FBN2: variants seen among roughly 807,000 people sequenced by gnomAD.
FBN2 encodes fibrillin-2.
In FBN2, 105 loss-of-function variants were observed where a neutral mutation model predicts 355.6. The observed-to-expected ratio is 0.30, with a 90% CI of 0.25 to 0.35. The LOEUF (loss-of-function observed/expected upper bound fraction) is 0.35, where lower values mean the gene tolerates loss of function less well. Among genes scored for constraint, FBN2 ranks in the 10% least tolerant of loss-of-function variants. FBN2 has a pLI of 1.00. For synonymous variants in FBN2, 1,350 were observed against 1,301.2 expected (o/e 1.04, Z -0.81); for missense variants, 3,280 against 3,758.7 (o/e 0.87, Z 3.33).
chr5:128,321,868 A>T (rs956903673), intron 34 of FBN2, among the ~76,000 whole-genome samples: 6 of 152,166 alleles, frequency 3.9e-5, no homozygotes, highest in Admixed American at 3.9e-4. Context: ...GAATCGCCAC[A>T]CTGTCCTCCA....
chr5:128,429,716 TTTAC>T (rs1434293293), intron 7 of FBN2, among the ~76,000 whole-genome samples: 2 of 152,226 alleles, frequency 1.3e-5, no homozygotes, highest in African/African-American at 4.8e-5. Flanking sequence ...CCTGTTTTGC[TTTAC>T]TTGTTAATTA....
chr5:128,413,406 T>A (rs1245770789), intron 7 of FBN2, among the ~76,000 whole-genome samples: 1 of 152,066 alleles, frequency 6.6e-6, no homozygotes, highest in Non-Finnish European at 1.5e-5. Context: ...GGAAGAACAC[T>A]GTGAAAACAG....
intron 5 of FBN2, among the ~76,000 whole-genome samples, chr5:128,506,936 A>G (rs1193296777): frequency 1.3e-5 from 2 of 152,092 alleles, no homozygotes; most frequent in African/African-American, 2.4e-5. Flanking sequence ...ATAAATCTCA[A>G]TTGGCTATGA....
chr5:128,532,351 C>T (rs570328445), intron 2 of FBN2, among the ~76,000 whole-genome samples: 2 of 152,324 alleles, frequency 1.3e-5, no homozygotes, highest in Non-Finnish European at 2.9e-5. Flanking sequence ...GTCATCACAG[C>T]AAAGAATGTT....
chr5:128,515,308 C>T (rs961699468), intron 5 of FBN2, among the ~76,000 whole-genome samples: 4 of 152,186 alleles, frequency 2.6e-5, no homozygotes, highest in Non-Finnish European at 4.4e-5. Flanking sequence ...AGCATGCACA[C>T]CTGAGTGGCA....
intron 5 of FBN2, among the ~76,000 whole-genome samples, chr5:128,491,280 T>C (rs1311802821): frequency 4.6e-5 from 7 of 152,182 alleles, no homozygotes; most frequent in African/African-American, 1.4e-4. Context: ...CTTTCAAAAG[T>C]ATAATTAGGA....
intron 7 of FBN2, among the ~76,000 whole-genome samples, chr5:128,439,451 TCA>T (rs1175587251): frequency 6.6e-6 from 1 of 152,166 alleles, no homozygotes; most frequent in Non-Finnish European, 1.5e-5. Context: ...AAATAGTGTC[TCA>T]CAGTTTTATA....
intron 8 of FBN2, among the ~76,000 whole-genome samples, chr5:128,403,175 C>T (rs556928398): frequency 1.8e-4 from 27 of 152,046 alleles, no homozygotes; most frequent in African/African-American, 5.3e-4. Flanking sequence ...TGTACCTTGC[C>T]CTTTTCTTGA....
intron 15 of FBN2, among the ~76,000 whole-genome samples, chr5:128,373,724 A>G (rs777848134): frequency 2.1e-4 from 32 of 152,158 alleles, no homozygotes; most frequent in Non-Finnish European, 4.4e-4. Flanking sequence ...TCACTGGAAT[A>G]TATTGCTGGG....
At chr5:128,317,682 G>GCCT (rs1004322412) in intron 36 of FBN2, among the ~76,000 whole-genome samples, 2 of 151,954 alleles carry the variant, frequency 1.3e-5, no homozygotes, top group African/African-American at 4.8e-5. Context: ...CTTCATTACG[G>GCCT]CCTCCTCCTC....
At chr5:128,447,670 A>G (rs538215489) in intron 6 of FBN2, among the ~76,000 whole-genome samples, 98 of 152,314 alleles carry the variant, frequency 6.4e-4, no homozygotes, top group Admixed American at 2.8e-3. Context: ...CTTGTGAAGC[A>G]TGTGATCTCT....
rs78932429 is a variant in FBN2 at position 128,344,200 on chromosome 5, A to G, written c.3343+185T>C. On this transcript the variant is annotated intron_variant, in intron 25 of 64. Coordinates refer to ENST00000262464, the MANE Select transcript of FBN2 (RefSeq NM_001999.4). ...CAGAAGTTTGAAGTTACAGTGAGCC[A>G]TGATCATGTCTCTGCACTCCAGCCT... is the stretch of plus-strand genomic sequence containing the variant. Among the ~76,000 whole-genome samples the G allele has an allele frequency of 0.011, 1,664 of 152,324 alleles. 37 individuals are homozygous for G. The highest frequency in any genetic ancestry group is 0.037 in the African/African-American group (1,553 of 41,568).
chr5:128,444,846 TCA>T (rs1754024777), intron 7 of FBN2, among the ~76,000 whole-genome samples: 1 of 152,228 alleles, frequency 6.6e-6, no homozygotes, highest in East Asian at 1.9e-4. Context: ...ACTACTATAA[TCA>T]GTCAGTGGCT....
At position 128,378,778 on chromosome 5, in the gene FBN2, T is replaced by C. The variant is rs771782180; in HGVS notation, c.1716A>G (p.Ala572=). Residue 572 remains alanine, a synonymous_variant, in exon 12 of 65, where the codon GCA becomes GCG. Transcript: ENST00000262464. The part of the protein sequence containing the change: ...AGFQRTPTKQ[A]CIDIDECIQN... Reference sequence around the variant, plus strand: ...GAAAGCAAACTGCCTTACCAATGCATGCTTGCTTGGTAGGAGTCCTCTGGA... The same window carrying C: ...GAAAGCAAACTGCCTTACCAATGCACGCTTGCTTGGTAGGAGTCCTCTGGA... 8 of 1,612,850 alleles carry C rather than the reference T, an allele frequency of 5.0e-6. No individual in the cohort carries two copies. Among genetic ancestry groups the C allele is most frequent in the Non-Finnish European group, 5.1e-6 (6 of 1,179,234 alleles).
At chr5:128,351,153 A>T in intron 20 of FBN2, 148 bp from the exon 21 acceptor site, 2 of 940,548 alleles carry the variant, frequency 2.1e-6, no homozygotes, top group Non-Finnish European at 3.3e-6. Flanking sequence ...GAGGCTGAGG[A>T]GGAAGGATCA....
intron 20 of FBN2, among the ~76,000 whole-genome samples, chr5:128,355,331 C>T (rs1160606358): frequency 1.3e-5 from 2 of 152,160 alleles, no homozygotes; most frequent in Admixed American, 6.5e-5. Flanking sequence ...CATCAAACCA[C>T]AGCAGTATAA....
At chr5:128,384,990 T>C (rs932628175) in intron 11 of FBN2, among the ~76,000 whole-genome samples, 1 of 152,134 alleles carries the variant, frequency 6.6e-6, no homozygotes, top group Non-Finnish European at 1.5e-5. Flanking sequence ...GTTCTTTGGC[T>C]ATCCCTCAAT....
At chr5:128,263,295 C>A in intron 63 of FBN2, 130 bp downstream of exon 63, 1 of 745,046 alleles carries the variant, frequency 1.3e-6, no homozygotes, top group Non-Finnish European at 2.4e-6. Flanking sequence ...TCTGCATACC[C>A]GAAGAGTTCT....
chr5:128,425,263 A>T (rs933016634), intron 7 of FBN2, among the ~76,000 whole-genome samples: 1 of 152,292 alleles, frequency 6.6e-6, no homozygotes, highest in Admixed American at 6.5e-5. Flanking sequence ...ACAAGCTGTG[A>T]AAACCATGTC....
Sources: allele counts gnomAD v4.1 joint callset (sites outside exome capture counted in the v4.1 genomes callset), GRCh38; gene constraint gnomAD v4.1.1; transcripts MANE v1.5; gene names NCBI Gene and HGNC (gene_info 2026-07-23, HGNC 2026-07-21).